The following DRC10 variants were observed in gnomAD, a reference collection of about 807,000 sequenced individuals.
DRC10 encodes the protein IQ domain-containing protein D.
chr12:113,203,566 C>T, the DRC10 span, among the ~76,000 whole-genome samples: 1 of 150,092 alleles, frequency 6.7e-6, no homozygotes, highest in South Asian at 2.1e-4. Flanking sequence ...ATCTCCACTT[C>T]CTGGGTTCAA....
the DRC10 span, chr12:113,207,931 A>C: frequency 6.2e-7 from 1 of 1,614,092 alleles, no homozygotes; most frequent in Non-Finnish European, 8.5e-7. Context: ...CATCCCCTCC[A>C]TATCCTCTCT....
the DRC10 span, among the ~76,000 whole-genome samples, chr12:113,211,501 C>T: frequency 1.4e-4 from 21 of 152,224 alleles, no homozygotes; most frequent in African/African-American, 4.6e-4. Flanking sequence ...TCATGGTTCA[C>T]GCCCGTAATC....
At chr12:113,208,217 G>A in the DRC10 span, 27 of 1,548,672 alleles carry the variant, frequency 1.7e-5, 1 homozygote, top group East Asian at 2.7e-4. Context: ...TGGAGACTTC[G>A]GTAGACTACT....
chr12:113,213,821 T>C, the DRC10 span, among the ~76,000 whole-genome samples: 2 of 152,122 alleles, frequency 1.3e-5, no homozygotes, highest in Non-Finnish European at 2.9e-5. Context: ...TAGCTGGGCA[T>C]GGTGGTGGGC....
At chr12:113,200,520 T>TTCCCC in the DRC10 span, 2 of 991,436 alleles carry the variant, frequency 2.0e-6, no homozygotes, top group East Asian at 6.1e-5. Flanking sequence ...GATGGAACAG[T>TTCCCC]CCCACCCATC....
the DRC10 span, among the ~76,000 whole-genome samples, chr12:113,217,586 C>T: frequency 1.3e-5 from 2 of 152,180 alleles, no homozygotes; most frequent in Non-Finnish European, 2.9e-5. Flanking sequence ...GGCTGGAGTG[C>T]AGTGGCGTAA....
the DRC10 span, among the ~76,000 whole-genome samples, chr12:113,206,616 C>G: frequency 6.6e-6 from 1 of 152,142 alleles, no homozygotes. Flanking sequence ...AGTAAACTAG[C>G]CTTGCTGAGA....
At chr12:113,209,163 C>A in the DRC10 span, among the ~76,000 whole-genome samples, 7 of 152,214 alleles carry the variant, frequency 4.6e-5, no homozygotes, top group Admixed American at 2.0e-4. Flanking sequence ...ATCCACCTGC[C>A]TTTGCCTCCC....
At chr12:113,200,604 C>G in the DRC10 span, 2 of 1,536,018 alleles carry the variant, frequency 1.3e-6, no homozygotes, top group Non-Finnish European at 1.7e-6. Flanking sequence ...GCTCTGCCTC[C>G]CGGTTCTCCA....
the DRC10 span, among the ~76,000 whole-genome samples, chr12:113,213,850 G>A: frequency 4.2e-3 from 644 of 152,050 alleles, 8 homozygotes; most frequent in African/African-American, 0.014. Flanking sequence ...AGGCTGAGGC[G>A]GGAGAATTGC....
the DRC10 span, among the ~76,000 whole-genome samples, chr12:113,220,436 T>G: frequency 6.6e-5 from 10 of 151,742 alleles, no homozygotes; most frequent in African/African-American, 2.4e-4. Flanking sequence ...GTATTTTCAG[T>G]AGAGATGGGG....
chr12:113,200,723 G>A, the DRC10 span: 54 of 1,536,072 alleles, frequency 3.5e-5, no homozygotes, highest in Non-Finnish European at 4.4e-5. Context: ...TCAGCCTCCT[G>A]CTTAGTGCGA....
the DRC10 span, among the ~76,000 whole-genome samples, chr12:113,201,738 C>T: frequency 5.9e-5 from 9 of 152,216 alleles, no homozygotes; most frequent in Non-Finnish European, 1.0e-4. Flanking sequence ...TGGCTGCTCA[C>T]GCCACCATCT....
chr12:113,205,304 G>A, the DRC10 span, among the ~76,000 whole-genome samples: 13 of 151,688 alleles, frequency 8.6e-5, no homozygotes, highest in Admixed American at 2.6e-4. Flanking sequence ...AGGCCAAGGC[G>A]GGCAGATCAC....
At chr12:113,219,476 A>AT in the DRC10 span, among the ~76,000 whole-genome samples, 1 of 152,128 alleles carries the variant, frequency 6.6e-6, no homozygotes, top group Non-Finnish European at 1.5e-5. Flanking sequence ...TGTCTTTTTG[A>AT]TTTTTAAATG....
the DRC10 span, among the ~76,000 whole-genome samples, chr12:113,210,937 A>G: frequency 5.5e-3 from 833 of 152,340 alleles, 7 homozygotes; most frequent in African/African-American, 0.019. Flanking sequence ...AGAAAGAATC[A>G]TTAGGACTTG....
the DRC10 span, among the ~76,000 whole-genome samples, chr12:113,201,704 C>A: frequency 1.3e-5 from 2 of 152,220 alleles, no homozygotes; most frequent in African/African-American, 4.8e-5. Context: ...ACACTAGAGT[C>A]TCCCTCTGAG....
At chr12:113,210,163 G>A in the DRC10 span, among the ~76,000 whole-genome samples, 1 of 152,092 alleles carries the variant, frequency 6.6e-6, no homozygotes, top group Non-Finnish European at 1.5e-5. Flanking sequence ...ATAAATAACT[G>A]TTTCAGAAAA....
the DRC10 span, chr12:113,203,044 TGAGACA>T: frequency 2.2e-6 from 1 of 455,178 alleles, no homozygotes. Context: ...CTTTTTTTTT[TGAGACA>T]GGGTCTTGCT....
Sources: gnomAD v4.1 joint callset for allele counts (sites outside exome capture counted in the v4.1 genomes callset) on GRCh38, gnomAD v4.1.1 for gene constraint, MANE v1.5 for transcripts, NCBI Gene and HGNC (gene_info 2026-07-23, HGNC 2026-07-21) for gene names.